The following HERC2 variants were observed in gnomAD, a reference collection of about 807,000 sequenced individuals.
The protein encoded by HERC2 is HECT and RLD domain containing E3 ubiquitin protein ligase 2, also known as E3 ubiquitin-protein ligase HERC2.
Under a neutral mutation model 537.7 loss-of-function variants are expected in HERC2, and 102 were observed. The observed-to-expected ratio is 0.19, with a 90% confidence interval of 0.16 to 0.22. HERC2 has a LOEUF of 0.22. Ranked by LOEUF, HERC2 falls within the 10% of genes least tolerant of loss-of-function variation. The pLI is 1.00. For missense variants in HERC2, 4,236 were observed against 6,198.2 expected, an observed-to-expected ratio of 0.68 and a Z score of 10.63; for synonymous variants, 2,224 against 2,466.2, an observed-to-expected ratio of 0.90 and a Z score of 2.91.
chr15:28,179,084 T>G, intron 58 of HERC2, 54 bp from the exon 59 acceptor site: 2 of 1,601,922 alleles, frequency 1.2e-6, no homozygotes, highest in Non-Finnish European at 1.7e-6. Flanking sequence ...TTAAAAACTT[T>G]TTTGTTTTTT....
At chr15:28,149,800 A>G (rs575645982) in intron 70 of HERC2, among the ~76,000 whole-genome samples, 23 of 152,252 alleles carry the variant, frequency 1.5e-4, no homozygotes, top group African/African-American at 5.1e-4. Flanking sequence ...AAATCACCGA[A>G]AAAACACACG....
chr15:28,178,792 A>T, intron 59 of HERC2, 95 bp downstream of exon 59: 1 of 1,322,592 alleles, frequency 7.6e-7, no homozygotes, highest in Non-Finnish European at 1.0e-6. Context: ...GTAAAAACTT[A>T]AGAAAGAATG....
At chr15:28,285,878 T>G (rs1003864504) in intron 4 of HERC2, among the ~76,000 whole-genome samples, 1 of 148,820 alleles carries the variant, frequency 6.7e-6, no homozygotes, top group Non-Finnish European at 1.5e-5. Flanking sequence ...AAAAGATAAT[T>G]AGGAATTACT....
chr15:28,156,611 G>A (rs532105389), intron 69 of HERC2, among the ~76,000 whole-genome samples: 2 of 152,206 alleles, frequency 1.3e-5, no homozygotes, highest in African/African-American at 2.4e-5. Flanking sequence ...TGTATCCTGA[G>A]ACTTTGCTGA....
intron 82 of HERC2, 80 bp from the exon 83 acceptor site, chr15:28,130,382 G>A: frequency 6.2e-7 from 1 of 1,603,968 alleles, no homozygotes; most frequent in Admixed American, 1.7e-5. Flanking sequence ...GGCAGCCTCT[G>A]CTGTTCAGGA....
At position 28,307,746 on chromosome 15, in the gene HERC2, A is replaced by T. The variant is rs148127955; in HGVS notation, c.73-8230T>A. On this transcript the variant is annotated intron_variant, in intron 2 of 92. Coordinates refer to ENST00000261609, the MANE Select transcript of HERC2 (RefSeq NM_004667.6). ...TTTAACTTTTATATGGCAAAAGAGG[A>T]ATCTAGCTTCATTCTTCTGCATATG... 5.7e-3 allele frequency among the ~76,000 whole-genome samples: 863 copies of T among 152,324 alleles called. 14 individuals are homozygous for T. The highest frequency in any genetic ancestry group is 0.051 in the Middle Eastern group (15 of 294).
intron 68 of HERC2, among the ~76,000 whole-genome samples, chr15:28,164,252 A>T (rs932634083): frequency 6.6e-6 from 1 of 152,170 alleles, no homozygotes; most frequent in East Asian, 1.9e-4. Flanking sequence ...TCTTTCCACA[A>T]ACATAAACAG....
At chr15:28,317,520 C>T (rs2077121614) in intron 2 of HERC2, among the ~76,000 whole-genome samples, 2 of 152,158 alleles carry the variant, frequency 1.3e-5, no homozygotes, top group South Asian at 4.1e-4. Flanking sequence ...CTCAACAAAC[C>T]TTGACGGACC....
At chr15:28,231,489 T>C (rs1901840225) in intron 30 of HERC2, among the ~76,000 whole-genome samples, 1 of 152,188 alleles carries the variant, frequency 6.6e-6, no homozygotes, top group Admixed American at 6.5e-5. Flanking sequence ...TGCCTGCGTA[T>C]GTGACTGGCC....
rs141965027 is a variant in HERC2 at position 28,280,626 on chromosome 15, C to T, written c.323-339G>A. Among the ~76,000 whole-genome samples the T allele has an allele frequency of 2.8e-3, 423 of 152,252 alleles. 5 individuals carry two copies. Among genetic ancestry groups the T allele is most frequent in the African/African-American group, 9.8e-3 (408 of 41,548 alleles). ...GAAACATCATACAAAAGAAGTTGGC[C>T]GGGCACAGTGGCTCACACCTGGAAT... On this transcript the variant is annotated intron_variant, in intron 4 of 92. Transcript: ENST00000261609.
chr15:28,131,602 G>A (rs527310472), intron 81 of HERC2, among the ~76,000 whole-genome samples: 17 of 152,296 alleles, frequency 1.1e-4, no homozygotes, highest in Admixed American at 9.8e-4. Context: ...GAGCAGAGCC[G>A]CCGACCCCAC....
intron 20 of HERC2, among the ~76,000 whole-genome samples, chr15:28,250,034 G>C (rs928305554): frequency 6.6e-6 from 1 of 152,106 alleles, no homozygotes; most frequent in Admixed American, 6.5e-5. Context: ...AGCCCAACCA[G>C]AGCCTGGTTC....
intron 2 of HERC2, among the ~76,000 whole-genome samples, chr15:28,301,743 A>ATG (rs1163322601): frequency 6.9e-5 from 5 of 72,618 alleles, no homozygotes; most frequent in African/African-American, 6.6e-4. Flanking sequence ...GTGTATATAT[A>ATG]TATATATATA....
In HERC2 at chr15:28,311,237, G is replaced by C. The variant is rs542653298; in HGVS notation, c.72+10125C>G. Among the ~76,000 whole-genome samples, 535 of 151,842 alleles carry C rather than the reference G, an allele frequency of 3.5e-3. 3 individuals carry two copies. The highest frequency in any genetic ancestry group is 0.012 in the African/African-American group (487 of 41,344). Reference sequence around the variant, plus strand: ...CCCAGCAGTCTGGGAGGCCGAGGTGGGCAGACTGCTTGAGCCCAGGAGTTC... The same window carrying C: ...CCCAGCAGTCTGGGAGGCCGAGGTGCGCAGACTGCTTGAGCCCAGGAGTTC... On this transcript the variant is annotated intron_variant, in intron 2 of 92. Transcript: ENST00000261609.
intron 68 of HERC2, among the ~76,000 whole-genome samples, chr15:28,164,077 C>T (rs558325382): frequency 2.7e-4 from 41 of 152,214 alleles, no homozygotes; most frequent in Non-Finnish European, 5.7e-4. Context: ...GGACTCCCAC[C>T]GCTTCCGACC....
chr15:28,126,628 G>A (rs1040427636), intron 83 of HERC2, among the ~76,000 whole-genome samples: 2 of 152,156 alleles, frequency 1.3e-5, no homozygotes, highest in Non-Finnish European at 1.5e-5. Flanking sequence ...AGTAACTCAG[G>A]AACGGAAAAC....
intron 4 of HERC2, among the ~76,000 whole-genome samples, chr15:28,291,161 G>A (rs1332330124): frequency 2.0e-5 from 3 of 152,270 alleles, no homozygotes; most frequent in South Asian, 2.1e-4. Context: ...AATAGCATAC[G>A]CACTTTGTCT....
chr15:28,164,603 T>C (rs1253300788), intron 68 of HERC2, among the ~76,000 whole-genome samples: 2 of 152,098 alleles, frequency 1.3e-5, no homozygotes, highest in East Asian at 1.9e-4. Flanking sequence ...TCTAGAAGAA[T>C]TGCTAAGGAA....
At position 28,230,585 on chromosome 15, in the gene HERC2, G is replaced by A. The variant is rs1387839734; in HGVS notation, c.4676-85C>T. 4.3e-6 allele frequency: 4 copies of A among 934,938 alleles called. No individual in the cohort carries two copies. In the African/African-American group the frequency reaches 6.7e-5, roughly 16 times the overall value. 57.9% of individuals were successfully genotyped at this position (934,938 alleles called of 1,614,324 possible). A position where few individuals can be genotyped will look rare whatever the true frequency, so the allele number is the denominator to read the frequency against. On this transcript the variant is annotated intron_variant, in intron 30 of 92. Transcript: ENST00000261609. ...AAGAAATACTTAGATTTACATGAAGGACAAATATCTCATTCAAATAAACAT... is the reference window on the plus strand; with the variant it reads ...AAGAAATACTTAGATTTACATGAAGAACAAATATCTCATTCAAATAAACAT...
Sources: gnomAD v4.1 joint callset for allele counts (sites outside exome capture counted in the v4.1 genomes callset) on GRCh38, gnomAD v4.1.1 for gene constraint, MANE v1.5 for transcripts, NCBI Gene and HGNC (gene_info 2026-07-23, HGNC 2026-07-21) for gene names.